Variants in ADGRV1 observed in about 807,000 individuals in gnomAD.
ADGRV1 encodes adhesion G protein-coupled receptor V1.
A neutral mutation model predicts 596.2 loss-of-function variants in ADGRV1; 359 were observed. That is an observed-to-expected ratio of 0.60 (90% CI 0.55 to 0.66). ADGRV1 has a LOEUF of 0.66. ADGRV1 is among the 30% of genes least tolerant of loss of function. The probability of loss-of-function intolerance (pLI) is 0.00; values close to 1 mark genes in which losing one functional copy is unlikely to be tolerated. For synonymous variants in ADGRV1, 2,681 were observed against 2,679.2 expected, an observed-to-expected ratio of 1.00 and a Z score of -0.02; for missense variants, 7,274 against 7,575.6, an observed-to-expected ratio of 0.96 and a Z score of 1.48.
chr5:90,694,149 T>C lies in ADGRV1; in HGVS notation c.7393T>C (p.Trp2465Arg). The C allele has an allele frequency of 6.2e-7, 1 of 1,613,862 alleles. No individual in the cohort carries two copies. Among genetic ancestry groups the C allele is most frequent in the Admixed American group, 1.7e-5 (1 of 59,960 alleles). ...TGCTTCTGAGGGTCCCCAGTGTTTCTGGATGACATCATGGATCAGCCCAGC... is the reference window on the plus strand; with the variant it reads ...TGCTTCTGAGGGTCCCCAGTGTTTCCGGATGACATCATGGATCAGCCCAGC... ...FSASEGPQCF[W>R]MTSWISPAVN... The change falls in exon 33 of 90, where the codon TGG (tryptophan) becomes CGG (arginine). Residue 2465 changes from tryptophan to arginine, a missense_variant. By Grantham distance (101) the Trp-to-Arg change is moderately radical. Coordinates refer to ENST00000405460, the MANE Select transcript of ADGRV1 (RefSeq NM_032119.4).
At chr5:90,762,103 G>A (rs939104664) in intron 58 of ADGRV1, among the ~76,000 whole-genome samples, 3 of 152,138 alleles carry the variant, frequency 2.0e-5, no homozygotes, top group Admixed American at 1.3e-4. Flanking sequence ...AAAGCCCTGA[G>A]AATAGCAGAG....
At chr5:90,954,634 G>A (rs1777322263) in intron 83 of ADGRV1, among the ~76,000 whole-genome samples, 1 of 152,030 alleles carries the variant, frequency 6.6e-6, no homozygotes, top group South Asian at 2.1e-4. Flanking sequence ...TTGTGCATAT[G>A]TTGCATTTTC....
intron 87 of ADGRV1, among the ~76,000 whole-genome samples, chr5:91,138,029 G>C (rs559382474): frequency 6.6e-6 from 1 of 152,100 alleles, no homozygotes; most frequent in Non-Finnish European, 1.5e-5. Flanking sequence ...ATTCACTGTC[G>C]TTGCCGGTTG....
chr5:90,921,045 C>A (rs1224047280), intron 83 of ADGRV1, among the ~76,000 whole-genome samples: 1 of 152,188 alleles, frequency 6.6e-6, no homozygotes, highest in Admixed American at 6.5e-5. Context: ...ACACTATCAA[C>A]AAATTTCAAG....
Position 90,823,604 on chromosome 5 carries a change from A to T in ADGRV1, c.16368+8A>T. ...GAACTCAAACCAGAAAAGGTAAGAAATGAAGAGACACACTAGTGTCAACTT... is the reference window on the plus strand; with the variant it reads ...GAACTCAAACCAGAAAAGGTAAGAATTGAAGAGACACACTAGTGTCAACTT... On this transcript the variant is annotated splice_region_variant and intron_variant, in intron 76 of 89. Coordinates refer to ENST00000405460, the MANE Select transcript of ADGRV1 (RefSeq NM_032119.4). The T allele has an allele frequency of 6.2e-7, 1 of 1,610,590 alleles. No individual in the cohort carries two copies. The highest frequency in any genetic ancestry group is 8.5e-7 in the Non-Finnish European group (1 of 1,177,138).
intron 78 of ADGRV1, among the ~76,000 whole-genome samples, chr5:90,847,223 G>C (rs1765976320): frequency 1.3e-5 from 2 of 150,868 alleles, no homozygotes; most frequent in Non-Finnish European, 1.5e-5. Context: ...AGTGCTGATT[G>C]GTGTATTTAC....
intron 84 of ADGRV1, among the ~76,000 whole-genome samples, chr5:90,979,609 T>G (rs11744249): frequency 0.13 from 19,162 of 152,174 alleles, 1,236 homozygotes; most frequent in Middle Eastern, 0.18. Flanking sequence ...CTCAGTTTCC[T>G]TATAAGAGGG....
chr5:91,011,615 A>G (rs144773722), intron 85 of ADGRV1, among the ~76,000 whole-genome samples: 2 of 152,122 alleles, frequency 1.3e-5, no homozygotes, highest in East Asian at 3.9e-4. Context: ...TCTCTAATCT[A>G]TAAAACTAGA....
chr5:91,107,354 T>A (rs114085906), intron 87 of ADGRV1, among the ~76,000 whole-genome samples: 1 of 152,294 alleles, frequency 6.6e-6, no homozygotes, highest in Non-Finnish European at 1.5e-5. Context: ...GGCAAGATCA[T>A]GGACGAGGCA....
chr5:90,673,624 A>G (rs905763540), intron 22 of ADGRV1, among the ~76,000 whole-genome samples: 1 of 152,112 alleles, frequency 6.6e-6, no homozygotes, highest in African/African-American at 2.4e-5. Flanking sequence ...CTTCAAAGAT[A>G]TGGTGCCTTC....
chr5:91,013,938 C>T (rs1487589821), intron 85 of ADGRV1, among the ~76,000 whole-genome samples: 1 of 151,844 alleles, frequency 6.6e-6, no homozygotes, highest in Non-Finnish European at 1.5e-5. Context: ...AGACATTTAT[C>T]CCAGCACCAT....
chr5:91,153,222 T>G lies in ADGRV1; in HGVS notation c.18626T>G (p.Val6209Gly). 11 of 1,601,480 alleles carry G rather than the reference T, an allele frequency of 6.9e-6. No homozygotes were observed. The highest frequency in any genetic ancestry group is 9.4e-6 in the Non-Finnish European group (11 of 1,173,728). ...TTCCCCCCATCCCAATCTAAAAAGG[T>G]GCCACCTGACTGGGAGAGAGCATCC... ...TQNLIGAMEE[V>G]PPDWERASFQ... The change falls in exon 89 of 90, where the codon GTG becomes GGG. Residue 6209 changes from valine to glycine, a missense_variant and splice_region_variant. By Grantham distance (109) the Val-to-Gly change is moderately radical. Around this residue, in one of 5 missense-constraint regions of ADGRV1, gnomAD observed 1,874 missense variants for 1,970.2 expected, o/e 0.95. Coordinates refer to ENST00000405460, the MANE Select transcript of ADGRV1 (RefSeq NM_032119.4).
chr5:90,729,461 G>T (rs879853439), intron 49 of ADGRV1, among the ~76,000 whole-genome samples, 181 bp from the exon 50 acceptor site: 16 of 152,158 alleles, frequency 1.1e-4, no homozygotes, highest in Middle Eastern at 3.4e-3. Flanking sequence ...ATGTATTCCC[G>T]TCATGCAGTA....
chr5:91,061,412 TG>T (rs1319598598), intron 85 of ADGRV1, among the ~76,000 whole-genome samples: 2 of 152,214 alleles, frequency 1.3e-5, no homozygotes, highest in African/African-American at 4.8e-5. Context: ...TACTAATAGT[TG>T]GAGTCCATTA....
chr5:90,964,161 T>G (rs1778257263), intron 83 of ADGRV1, among the ~76,000 whole-genome samples: 1 of 152,126 alleles, frequency 6.6e-6, no homozygotes, highest in Non-Finnish European at 1.5e-5. Flanking sequence ...TATATTTCAC[T>G]TGAAATTTAA....
At chr5:90,998,725 G>T (rs1434512020) in intron 85 of ADGRV1, among the ~76,000 whole-genome samples, 1 of 152,050 alleles carries the variant, frequency 6.6e-6, no homozygotes, top group South Asian at 2.1e-4. Context: ...TTAAAAAGAT[G>T]CACGTGTTTA....
At chr5:90,886,316 G>A (rs902264916) in intron 83 of ADGRV1, among the ~76,000 whole-genome samples, 1 of 152,002 alleles carries the variant, frequency 6.6e-6, no homozygotes, top group African/African-American at 2.4e-5. Context: ...TTCCTCTCCT[G>A]GCCAACTACC....
chr5:90,802,846 T>A lies in ADGRV1; in HGVS notation c.14625T>A (p.Ala4875=), dbSNP rs768136254. The change falls in exon 71 of 90, where the codon GCT becomes GCA. Residue 4875 remains alanine (A), a synonymous_variant. Transcript: ENST00000405460. The part of the protein sequence containing the change: ...MPTILQEAKS[A]VLPVSEKAAN... ...CAATTCTTCAGGAAGCAAAATCTGCTGTCCTTCCAGTCTCTGAGAAAGCTG... is the reference window on the plus strand; with the variant it reads ...CAATTCTTCAGGAAGCAAAATCTGCAGTCCTTCCAGTCTCTGAGAAAGCTG... 1 of 1,610,290 alleles carries A rather than the reference T, an allele frequency of 6.2e-7. No homozygotes were observed. The highest frequency in any genetic ancestry group is 8.5e-7 in the Non-Finnish European group (1 of 1,178,294).
Position 90,653,723 on chromosome 5 carries a change from CG to C in ADGRV1, c.4153del (p.Val1385Ter). ...KDDGNGSIYY[G>X]VKIQTNESHV... ...ATGACGGTAATGGAAGCATCTACTACGGGGTAAAAATACAAACAAACGAATC... is the reference window on the plus strand; with the variant it reads ...ATGACGGTAATGGAAGCATCTACTACGGGTAAAAATACAAACAAACGAATC... On this transcript the variant is annotated frameshift_variant, in exon 20 of 90. Transcript: ENST00000405460. LOFTEE classifies it high-confidence loss of function. The C allele has an allele frequency of 6.2e-7, 1 of 1,612,808 alleles. No homozygotes were observed. The highest frequency in any genetic ancestry group is 1.7e-5 in the Admixed American group (1 of 59,808).
Sources: allele counts gnomAD v4.1 joint callset (sites outside exome capture counted in the v4.1 genomes callset), GRCh38; gene constraint gnomAD v4.1.1; regional missense constraint gnomAD v4.1.1; transcripts MANE v1.5; gene names NCBI Gene and HGNC (gene_info 2026-07-23, HGNC 2026-07-21).